Variants in EMB observed in about 807,000 individuals in gnomAD.
EMB encodes the protein embigin homolog.
A neutral mutation model predicts 41.4 loss-of-function variants in EMB; 31 were observed. The observed-to-expected ratio is 0.75, with a 90% CI of 0.56 to 1.01. The LOEUF (loss-of-function observed/expected upper bound fraction) is 1.01, where lower values mean the gene tolerates loss of function less well. Ranked by LOEUF, EMB falls within the 50% of genes least tolerant of loss-of-function variation. The pLI is 0.00. For missense variants in EMB, 379 were observed against 388.3 expected (o/e 0.98, Z 0.20); for synonymous variants, 137 against 140.4 (o/e 0.98, Z 0.17).
intron 1 of EMB, among the ~76,000 whole-genome samples, chr5:50,429,961 ACTCT>A (rs1387219243): frequency 1.4e-5 from 1 of 73,776 alleles, no homozygotes; most frequent in East Asian, 4.0e-4. Context: ...ACCCTCCCCA[ACTCT>A]CTTTCTCTCT....
chr5:50,404,667 T>C (rs752298838), intron 5 of EMB, among the ~76,000 whole-genome samples: 2 of 151,926 alleles, frequency 1.3e-5, no homozygotes, highest in Non-Finnish European at 2.9e-5. Flanking sequence ...GTATTTCAAA[T>C]ACCATAGTTG....
chr5:50,414,309 G>A (rs1333945800), intron 2 of EMB, among the ~76,000 whole-genome samples: 3 of 151,876 alleles, frequency 2.0e-5, no homozygotes, highest in African/African-American at 7.3e-5. Context: ...GGGATTGCTT[G>A]AGCACAGGCA....
chr5:50,409,084 G>A (rs889049218), intron 4 of EMB, among the ~76,000 whole-genome samples: 2 of 151,478 alleles, frequency 1.3e-5, no homozygotes, highest in African/African-American at 2.4e-5. Context: ...GTGATTCTTT[G>A]CTTTCCTTAA....
chr5:50,429,974 C>G (rs1232271020), intron 1 of EMB, among the ~76,000 whole-genome samples: 6 of 36,840 alleles, frequency 1.6e-4, no homozygotes, highest in Non-Finnish European at 1.5e-4. Flanking sequence ...CTCTTTCTCT[C>G]TCTCTCTCTC....
intron 2 of EMB, among the ~76,000 whole-genome samples, chr5:50,426,823 T>C (rs1745617868): frequency 6.8e-6 from 1 of 146,568 alleles, no homozygotes; most frequent in South Asian, 2.1e-4. Context: ...GTTCATAAGG[T>C]AAAAATTGAT....
chr5:50,410,579 A>G (rs1745319846), intron 4 of EMB, among the ~76,000 whole-genome samples: 1 of 152,132 alleles, frequency 6.6e-6, no homozygotes, highest in African/African-American at 2.4e-5. Flanking sequence ...AGAGCTATGA[A>G]TTTAGAGAGA....
At chr5:50,417,637 C>T (rs1383761656) in intron 2 of EMB, among the ~76,000 whole-genome samples, 2 of 152,166 alleles carry the variant, frequency 1.3e-5, no homozygotes, top group Non-Finnish European at 2.9e-5. Context: ...AAATGTAGTA[C>T]ATATACCTTG....
intron 2 of EMB, among the ~76,000 whole-genome samples, chr5:50,422,828 T>C (rs989359720): frequency 6.6e-6 from 1 of 152,250 alleles, no homozygotes; most frequent in African/African-American, 2.4e-5. Context: ...AATATAAGCC[T>C]AGTACGTGGG....
At position 50,441,159 on chromosome 5, in the gene EMB, G is replaced by C. The variant is rs770527683; in HGVS notation, c.-8C>G. The C allele has an allele frequency of 2.7e-6, 4 of 1,484,746 alleles. No individual in the cohort carries two copies. The highest frequency in any genetic ancestry group is 2.9e-5 in the African/African-American group (2 of 69,494). 92.0% of individuals were successfully genotyped at this position (1,484,746 alleles called of 1,614,324 possible). A position where few individuals can be genotyped will look rare whatever the true frequency, so the allele number is the denominator to read the frequency against. On this transcript the variant is annotated 5_prime_UTR_variant, in exon 1 of 9. Coordinates refer to ENST00000303221, the MANE Select transcript of EMB (RefSeq NM_198449.3). ...GCCGGGGAGGGCGCGCATGGCGCCA[G>C]AGGGTCCGCCTGGGTCCTCGTGGAG...
chr5:50,439,176 G>A (rs1337332155), intron 1 of EMB, among the ~76,000 whole-genome samples: 4 of 151,852 alleles, frequency 2.6e-5, no homozygotes, highest in African/African-American at 9.7e-5. Flanking sequence ...CTGACATACA[G>A]TCAAGTAGAG....
upstream of EMB, chr5:50,441,378 C>T (rs559798961): frequency 4.9e-5 from 17 of 345,784 alleles, no homozygotes; most frequent in East Asian, 2.1e-4. Context: ...AGCCCTCAGC[C>T]GGCTGCTGGC....
chr5:50,427,141 CT>C (rs1359772723), intron 2 of EMB, among the ~76,000 whole-genome samples: 3 of 152,160 alleles, frequency 2.0e-5, no homozygotes, highest in African/African-American at 7.2e-5. Context: ...TAACATTTCT[CT>C]CTAATAAAAC....
Position 50,402,420 on chromosome 5 carries a change from C to T in EMB, c.878-101G>A, listed in dbSNP as rs1028751501. On this transcript the variant is annotated intron_variant, in intron 6 of 8. Coordinates refer to ENST00000303221, the MANE Select transcript of EMB (RefSeq NM_198449.3). ...CCTTCCTAAGTAAGTAAGTACTATGCTGTTTCTCCTGTTTGGAATGAAGGA... is the reference window on the plus strand; with the variant it reads ...CCTTCCTAAGTAAGTAAGTACTATGTTGTTTCTCCTGTTTGGAATGAAGGA... The T allele has an allele frequency of 1.8e-4, 194 of 1,057,478 alleles. No homozygotes were observed. In the Admixed American group the frequency reaches 3.6e-3, roughly 19 times the overall value. 65.5% of individuals were successfully genotyped at this position (1,057,478 alleles called of 1,614,324 possible). A position where few individuals can be genotyped will look rare whatever the true frequency, so the allele number is the denominator to read the frequency against.
intron 4 of EMB, among the ~76,000 whole-genome samples, chr5:50,407,846 T>G (rs1238583808): frequency 6.6e-6 from 1 of 151,968 alleles, no homozygotes; most frequent in African/African-American, 2.4e-5. Context: ...TTCAGGCTAG[T>G]TTCTAGGAAG....
chr5:50,432,618 T>C (rs1398663376), intron 1 of EMB, among the ~76,000 whole-genome samples: 1 of 151,836 alleles, frequency 6.6e-6, no homozygotes, highest in Non-Finnish European at 1.5e-5. Flanking sequence ...TGGAGAATTA[T>C]GGGTTTTAGG....
At chr5:50,442,634 A>T (rs1280765869), upstream of EMB, among the ~76,000 whole-genome samples, 4 of 152,214 alleles carry the variant, frequency 2.6e-5, no homozygotes, top group Non-Finnish European at 5.9e-5. Context: ...ACTTTAAAAG[A>T]TGCCTTCAAG....
At chr5:50,417,718 G>A (rs1229486243) in intron 2 of EMB, among the ~76,000 whole-genome samples, 2 of 152,182 alleles carry the variant, frequency 1.3e-5, no homozygotes, top group East Asian at 1.9e-4. Context: ...TATGAACTAT[G>A]TGGCTGGTGT....
chr5:50,403,217 G>C lies in EMB; in HGVS notation c.838C>G (p.Leu280Val). The change falls in exon 6 of 9, where the codon CTT becomes GTT. Residue 280 changes from leucine to valine, a missense_variant. By Grantham distance (32) the Leu-to-Val change is conservative. Transcript: ENST00000303221. ...TTCTTTTGTGTGTACTTTTCACAAA[G>C]CAGAATGGTGGCCACTAAAAGAATC... ...EVILLVATIL[L>V]CEKYTQKKKK... 6.2e-7 allele frequency: 1 copy of C among 1,611,078 alleles called. No individual in the cohort carries two copies. Among genetic ancestry groups the C allele is most frequent in the Middle Eastern group, 1.7e-4 (1 of 6,042 alleles).
chr5:50,434,156 G>T (rs923620375), intron 1 of EMB, among the ~76,000 whole-genome samples: 2 of 152,092 alleles, frequency 1.3e-5, no homozygotes, highest in Admixed American at 1.3e-4. Flanking sequence ...TATCTTTTTG[G>T]GGTGTACAAT....
Sources: allele counts gnomAD v4.1 joint callset (sites outside exome capture counted in the v4.1 genomes callset), GRCh38; gene constraint gnomAD v4.1.1; transcripts MANE v1.5; gene names NCBI Gene and HGNC (gene_info 2026-07-23, HGNC 2026-07-21).